Variants in PGM2 observed in about 807,000 individuals in gnomAD.
PGM2 encodes the protein phosphopentomutase.
Under a neutral mutation model 74.6 loss-of-function variants are expected in PGM2, and 57 were observed. The observed-to-expected ratio is 0.76, with a 90% CI of 0.62 to 0.95. The LOEUF (loss-of-function observed/expected upper bound fraction) is 0.95. Among genes scored for constraint, PGM2 ranks in the 40% least tolerant of loss-of-function variants. The pLI is 0.00. For missense variants in PGM2, 706 were observed against 741.9 expected (o/e 0.95, Z 0.56); for synonymous variants, 273 against 260.7 (o/e 1.05, Z -0.46).
intron 13 of PGM2, 126 bp downstream of exon 13, chr4:37,855,867 C>T (rs1726179579): frequency 2.0e-5 from 15 of 762,750 alleles, no homozygotes; most frequent in Non-Finnish European, 3.0e-5. Flanking sequence ...TGTTTCAGAA[C>T]CTGCACTAAT....
intron 12 of PGM2, among the ~76,000 whole-genome samples, chr4:37,852,431 C>G (rs939125615): frequency 5.8e-5 from 3 of 51,404 alleles, no homozygotes; most frequent in Admixed American, 1.9e-4. Context: ...TGGGAATGCC[C>G]TTCTCCAGGA....
chr4:37,857,603 A>G (rs1711574915), intron 13 of PGM2, among the ~76,000 whole-genome samples: 1 of 152,142 alleles, frequency 6.6e-6, no homozygotes, highest in Non-Finnish European at 1.5e-5. Flanking sequence ...AGCCCAGAAT[A>G]CAGCTCCACT....
chr4:37,853,537 C>T (rs1261898354), intron 12 of PGM2, among the ~76,000 whole-genome samples: 1 of 151,932 alleles, frequency 6.6e-6, no homozygotes, highest in East Asian at 1.9e-4. Flanking sequence ...ATGTCTTTCC[C>T]CAAAAGTCTG....
At chr4:37,853,415 A>G (rs1031731497) in intron 12 of PGM2, among the ~76,000 whole-genome samples, 7 of 140,696 alleles carry the variant, frequency 5.0e-5, no homozygotes, top group African/African-American at 1.9e-4. Context: ...TCTAAGGATT[A>G]TAGACCTAAT....
intron 2 of PGM2, 94 bp downstream of exon 2, chr4:37,830,225 T>G: frequency 2.1e-6 from 2 of 968,554 alleles, no homozygotes; most frequent in Non-Finnish European, 2.9e-6. Context: ...TAGACATGTC[T>G]TACCAGCTTG....
In PGM2 at chr4:37,840,112, G is replaced by A. The variant is rs1725668245; in HGVS notation, c.572G>A (p.Gly191Glu). The change falls in exon 6 of 14, where the codon GGG (glycine) becomes GAG (glutamate). Residue 191 changes from glycine (G) to glutamate (E), a missense_variant. By Grantham distance (98) the Gly-to-Glu change is moderately conservative. Around this residue, in one of 3 missense-constraint regions of PGM2, gnomAD observed 332 missense variants for 334.9 expected, o/e 0.99. Transcript: ENST00000381967. ...CAGATCATTTCTCCTCACGATAAAGGGATTTCTCAAGCTATTGAAGAAAAT... is the reference window on the plus strand; with the variant it reads ...CAGATCATTTCTCCTCACGATAAAGAGATTTCTCAAGCTATTGAAGAAAAT... ...GAQIISPHDK[G>E]ISQAIEENLE... is the part of the protein sequence containing the mutation. 1 of 1,613,804 alleles carries A rather than the reference G, an allele frequency of 6.2e-7. No homozygotes were observed. The highest frequency in any genetic ancestry group is 1.7e-5 in the Admixed American group (1 of 59,978).
intron 8 of PGM2, among the ~76,000 whole-genome samples, chr4:37,846,725 G>C (rs1406944929): frequency 6.6e-6 from 1 of 152,192 alleles, no homozygotes; most frequent in Non-Finnish European, 1.5e-5. Context: ...AGGCAAACTG[G>C]CTGATATATA....
intron 4 of PGM2, among the ~76,000 whole-genome samples, chr4:37,838,356 G>A (rs537146836): frequency 6.6e-6 from 1 of 152,314 alleles, no homozygotes; most frequent in Non-Finnish European, 1.5e-5. Context: ...TTCATGGCTA[G>A]TACAGAGAGC....
intron 3 of PGM2, among the ~76,000 whole-genome samples, chr4:37,837,060 T>C (rs765337514): frequency 1.1e-4 from 17 of 152,154 alleles, no homozygotes; most frequent in Non-Finnish European, 2.2e-4. Flanking sequence ...GGTTGTAGGG[T>C]ACATTGTAAG....
chr4:37,839,138 G>A (rs927110147), intron 4 of PGM2, among the ~76,000 whole-genome samples: 35 of 109,612 alleles, frequency 3.2e-4, no homozygotes, highest in African/African-American at 1.2e-3. Flanking sequence ...TTTTTTTTGA[G>A]ACAGAGTTTC....
At position 37,845,675 on chromosome 4, in the gene PGM2, G is replaced by T; in HGVS notation, c.952G>T (p.Val318Phe). 1.2e-6 allele frequency: 2 copies of T among 1,613,790 alleles called. No individual in the cohort carries two copies. Among genetic ancestry groups the T allele is most frequent in the Non-Finnish European group, 1.7e-6 (2 of 1,179,714 alleles). Residue 318 changes from valine to phenylalanine, a missense_variant, in exon 8 of 14, where the codon GTT becomes TTT. Around this residue, in one of 3 missense-constraint regions of PGM2, gnomAD observed 359 missense variants for 371.1 expected, o/e 0.97. Coordinates refer to ENST00000381967, the MANE Select transcript of PGM2 (RefSeq NM_018290.4). ...GGCTGACAAAACCAAGGCCAGAATT[G>T]TTTTAGCTAACGACCCGGATGCTGA... ...ALADKTKARI[V>F]LANDPDADRL...
At chr4:37,828,623 T>C (rs558832546) in intron 1 of PGM2, among the ~76,000 whole-genome samples, 1 of 152,336 alleles carries the variant, frequency 6.6e-6, no homozygotes, top group African/African-American at 2.4e-5. Context: ...TCTTGACTTG[T>C]CATTCTTACC....
Position 37,850,329 on chromosome 4 carries a change from G to T in PGM2, c.1558G>T (p.Asp520Tyr). ...CGKFEISAIR[D>Y]LTTGYDDSQP... ...CAAATTTGAAATTTCTGCCATTAGGGACCTTACAACTGGCTATGATGATAG... is the reference window on the plus strand; with the variant it reads ...CAAATTTGAAATTTCTGCCATTAGGTACCTTACAACTGGCTATGATGATAG... The change falls in exon 12 of 14, where the codon GAC becomes TAC. Residue 520 changes from aspartate (D) to tyrosine (Y), a missense_variant. Physicochemically the swap from Asp to Tyr is radical, Grantham distance 160 (BLOSUM62 -3). Transcript: ENST00000381967. 1.3e-6 allele frequency: 2 copies of T among 1,586,256 alleles called. No homozygotes were observed. Among genetic ancestry groups the T allele is most frequent in the Non-Finnish European group, 1.7e-6 (2 of 1,171,970 alleles).
At chr4:37,844,924 C>T (rs1018303784) in intron 7 of PGM2, among the ~76,000 whole-genome samples, 18 of 148,026 alleles carry the variant, frequency 1.2e-4, no homozygotes, top group African/African-American at 4.5e-4. Context: ...GCTGAGATTG[C>T]ACCACTGCAC....
At chr4:37,846,489 G>A (rs1204094056) in intron 8 of PGM2, among the ~76,000 whole-genome samples, 6 of 152,186 alleles carry the variant, frequency 3.9e-5, no homozygotes, top group African/African-American at 1.4e-4. Flanking sequence ...TGACCATTTA[G>A]GACTGAGCTT....
At chr4:37,835,558 TATG>T (rs1188993857) in intron 3 of PGM2, among the ~76,000 whole-genome samples, 1 of 152,214 alleles carries the variant, frequency 6.6e-6, no homozygotes, top group African/African-American at 2.4e-5. Context: ...CTTCCTCTGT[TATG>T]ATGAATTTTT....
At position 37,850,365 on chromosome 4, in the gene PGM2, A is replaced by T. The variant is rs760376364; in HGVS notation, c.1594A>T (p.Lys532Ter). The T allele has an allele frequency of 6.6e-7, 1 of 1,523,128 alleles. No individual in the cohort carries two copies. 94.4% of individuals were successfully genotyped at this position (1,523,128 alleles called of 1,614,324 possible). A position where few individuals can be genotyped will look rare whatever the true frequency, so the allele number is the denominator to read the frequency against. The change falls in exon 12 of 14, where the codon AAA (lysine) becomes TAA (stop). Residue 532 changes from lysine to a stop codon, truncating the protein, a stop_gained. Transcript: ENST00000381967. LOFTEE classifies it high-confidence loss of function. ...TGGCTATGATGATAGCCAACCTGATAAAAAAGCTGTAAGTAATGTCTTCTC... is the reference window on the plus strand; with the variant it reads ...TGGCTATGATGATAGCCAACCTGATTAAAAAGCTGTAAGTAATGTCTTCTC... Reference protein sequence around the residue: ...TTGYDDSQPDKKAVLPTSKSS... With the variant: ...TTGYDDSQPD
At position 37,844,448 on chromosome 4, in the gene PGM2, G is replaced by C. The variant is rs1725811184; in HGVS notation, c.804G>C (p.Lys268Asn). 4 of 1,613,660 alleles carry C rather than the reference G, an allele frequency of 2.5e-6. No individual in the cohort carries two copies. Among genetic ancestry groups the C allele is most frequent in the Non-Finnish European group, 3.4e-6 (4 of 1,179,606 alleles). ...ATAGCTTTGTGCAGTCAGCTTTCAAGGCTTTTGACCTTGTTCCTCCTGAGG... is the reference window on the plus strand; with the variant it reads ...ATAGCTTTGTGCAGTCAGCTTTCAACGCTTTTGACCTTGTTCCTCCTGAGG... ...VGHSFVQSAFKAFDLVPPEAV... is the reference protein window; with the variant it reads ...VGHSFVQSAFNAFDLVPPEAV... The change falls in exon 7 of 14, where the codon AAG becomes AAC. Residue 268 changes from lysine to asparagine, a missense_variant. Lys to Asn is a moderately conservative substitution (Grantham distance 94). Coordinates refer to ENST00000381967, the MANE Select transcript of PGM2 (RefSeq NM_018290.4).
intron 2 of PGM2, 42 bp downstream of exon 2, chr4:37,830,173 C>A: frequency 7.4e-7 from 1 of 1,347,930 alleles, no homozygotes; most frequent in Non-Finnish European, 1.0e-6. Context: ...AATGTATCCC[C>A]TAGCTCATTT....
Sources: allele counts gnomAD v4.1 joint callset (sites outside exome capture counted in the v4.1 genomes callset), GRCh38; gene constraint gnomAD v4.1.1; regional missense constraint gnomAD v4.1.1; transcripts MANE v1.5; gene names NCBI Gene and HGNC (gene_info 2026-07-23, HGNC 2026-07-21).